TNNI3K: variants seen among roughly 807,000 people sequenced by gnomAD.
TNNI3K encodes the protein serine/threonine-protein kinase TNNI3K.
Under a neutral mutation model 114.5 loss-of-function variants are expected in TNNI3K, and 140 were observed. That is an observed-to-expected ratio of 1.22 (90% CI 1.07 to 1.41). TNNI3K has a LOEUF of 1.41. TNNI3K is among the 40% of genes most tolerant of loss of function. TNNI3K has a pLI of 0.00. For missense variants in TNNI3K, 1,125 were observed against 1,007.6 expected (o/e 1.12, Z -1.58); for synonymous variants, 347 against 347.5 (o/e 1.00, Z 0.02).
chr1:74,511,954 A>T (rs1187287598), intron 23 of TNNI3K, among the ~76,000 whole-genome samples: 1 of 152,214 alleles, frequency 6.6e-6, no homozygotes, highest in East Asian at 1.9e-4. Flanking sequence ...AGTCAATAGA[A>T]GTAGAAATAA....
rs527393320 is a variant in TNNI3K at position 74,475,922 on chromosome 1, G to A, written c.2121+12372G>A. The A allele has an allele frequency of 4.5e-4, 214 of 470,784 alleles. 4 individuals carry two copies. The South Asian group carries it at 0.011, about 24-fold the overall frequency. 29.2% of individuals were successfully genotyped at this position (470,784 alleles called of 1,614,324 possible). On this transcript the variant is annotated intron_variant, in intron 21 of 24. Transcript: ENST00000326637. ...TTAATGGCTTGAAAGATATCAGAAT[G>A]GGTAGGAAGTCCTTCACCATTTGGA...
chr1:74,375,489 A>C (rs2880795), intron 17 of TNNI3K: 442,517 of 443,028 alleles, frequency 1, 221,005 homozygotes, highest in East Asian at 1. Context: ...CTGAAAGATT[A>C]GAAACCTCCC....
chr1:74,290,049 C>G (rs925012995), intron 5 of TNNI3K, among the ~76,000 whole-genome samples: 1 of 151,612 alleles, frequency 6.6e-6, no homozygotes, highest in Non-Finnish European at 1.5e-5. Context: ...TTCTGGGCAT[C>G]CCCAGAAAAG....
intron 5 of TNNI3K, among the ~76,000 whole-genome samples, chr1:74,323,622 G>A (rs1276618673): frequency 6.6e-6 from 1 of 152,100 alleles, no homozygotes; most frequent in Non-Finnish European, 1.5e-5. Flanking sequence ...AGTATTGGAG[G>A]AAGTCTAAGA....
chr1:74,479,865 A>G (rs945586140), intron 21 of TNNI3K, among the ~76,000 whole-genome samples: 2 of 152,234 alleles, frequency 1.3e-5, no homozygotes, highest in African/African-American at 4.8e-5. Flanking sequence ...AAGGAAACTA[A>G]AGTCTAAATA....
At chr1:74,413,091 G>A (rs1365559913) in intron 17 of TNNI3K, among the ~76,000 whole-genome samples, 4 of 152,168 alleles carry the variant, frequency 2.6e-5, no homozygotes, top group Admixed American at 1.3e-4. Flanking sequence ...TTGATTATTG[G>A]TAATTAATTC....
In TNNI3K at chr1:74,543,856, G is replaced by T. The variant is rs1646756884; in HGVS notation, c.2432-50G>T. On this transcript the variant is annotated intron_variant, in intron 24 of 24. Coordinates refer to ENST00000326637, the MANE Select transcript of TNNI3K (RefSeq NM_015978.3). ...TCAGGCTGGTTATAAAAAATTGGGGGATGTACTGAAAGACTAGTAAGTAAC... is the reference window on the plus strand; with the variant it reads ...TCAGGCTGGTTATAAAAAATTGGGGTATGTACTGAAAGACTAGTAAGTAAC... The T allele has an allele frequency of 1.9e-6, 3 of 1,608,074 alleles. 1 individual carries two copies. The highest frequency in any genetic ancestry group is 2.2e-5 in the East Asian group (1 of 44,682).
In TNNI3K at chr1:74,369,095, C is replaced by T. The variant is rs909557145; in HGVS notation, c.1395C>T (p.Phe465=). The change falls in exon 14 of 25, where the codon TTC becomes TTT. Residue 465 remains phenylalanine, a synonymous_variant. Transcript: ENST00000326637. ...HFHLQLSEIE[F]HEIIGSGSFG... Reference sequence around the variant, plus strand: ...ATCTTCAGCTCTCAGAAATTGAGTTCCATGAGATTATTGGCTCAGGTAACC... The same window carrying T: ...ATCTTCAGCTCTCAGAAATTGAGTTTCATGAGATTATTGGCTCAGGTAACC... The T allele has an allele frequency of 2.5e-6, 4 of 1,610,176 alleles. No homozygotes were observed. The highest frequency in any genetic ancestry group is 3.4e-6 in the Non-Finnish European group (4 of 1,178,268).
At chr1:74,513,488 T>C (rs1424260720) in intron 23 of TNNI3K, among the ~76,000 whole-genome samples, 2 of 152,230 alleles carry the variant, frequency 1.3e-5, no homozygotes, top group Non-Finnish European at 1.5e-5. Flanking sequence ...CAGAGAACTT[T>C]GCATTCTCAC....
intron 17 of TNNI3K, among the ~76,000 whole-genome samples, chr1:74,402,474 TG>T (rs2100593477): frequency 6.6e-6 from 1 of 152,344 alleles, no homozygotes; most frequent in East Asian, 1.9e-4. Flanking sequence ...TCTTGAACCA[TG>T]GCAAGTTGAA....
chr1:74,335,318 C>T (rs1182486217), intron 6 of TNNI3K, among the ~76,000 whole-genome samples: 2 of 152,154 alleles, frequency 1.3e-5, no homozygotes, highest in Non-Finnish European at 2.9e-5. Context: ...TGCACCTTAA[C>T]TCTTAATCAG....
chr1:74,510,737 T>G (rs566298709), intron 23 of TNNI3K, among the ~76,000 whole-genome samples: 5 of 152,214 alleles, frequency 3.3e-5, no homozygotes, highest in Non-Finnish European at 7.3e-5. Context: ...TGGCTAGCAT[T>G]GAAAAGTTCA....
intron 21 of TNNI3K, among the ~76,000 whole-genome samples, chr1:74,478,912 T>C (rs1183218738): frequency 6.6e-6 from 1 of 152,192 alleles, no homozygotes; most frequent in Admixed American, 6.5e-5. Context: ...ACATGGTTTT[T>C]AAAAGAATTT....
At chr1:74,461,077 A>G (rs1002707295) in intron 20 of TNNI3K, among the ~76,000 whole-genome samples, 7 of 152,192 alleles carry the variant, frequency 4.6e-5, no homozygotes, top group Non-Finnish European at 8.8e-5. Context: ...ACACCAGCTC[A>G]ACAATATCCA....
intron 12 of TNNI3K, 53 bp downstream of exon 12, chr1:74,367,395 G>T: frequency 2.5e-6 from 4 of 1,587,834 alleles, no homozygotes; most frequent in Non-Finnish European, 2.6e-6. Context: ...TGTGCCTAAA[G>T]GTAAACCTGT....
chr1:74,528,776 G>A (rs1283524330), intron 23 of TNNI3K, among the ~76,000 whole-genome samples: 1 of 152,174 alleles, frequency 6.6e-6, no homozygotes, highest in Non-Finnish European at 1.5e-5. Flanking sequence ...GCACCTGGGA[G>A]GAGCGGCACT....
intron 5 of TNNI3K, among the ~76,000 whole-genome samples, chr1:74,286,994 A>G (rs368279690): frequency 3.1e-4 from 47 of 152,230 alleles, no homozygotes; most frequent in African/African-American, 9.4e-4. Flanking sequence ...TTCAACAAAG[A>G]GGTAGAAACC....
chr1:74,254,890 G>A (rs778280447), intron 4 of TNNI3K, among the ~76,000 whole-genome samples: 18 of 152,114 alleles, frequency 1.2e-4, no homozygotes, highest in Non-Finnish European at 2.1e-4. Flanking sequence ...TCATATACAT[G>A]GGGAGATGTG....
At chr1:74,475,795 G>A in intron 21 of TNNI3K, 2 of 609,288 alleles carry the variant, frequency 3.3e-6, no homozygotes, top group Non-Finnish European at 3.0e-6. Context: ...ACCTAGGCAA[G>A]TGAGACCAAC....
Sources: allele counts gnomAD v4.1 joint callset (sites outside exome capture counted in the v4.1 genomes callset), GRCh38; gene constraint gnomAD v4.1.1; transcripts MANE v1.5; gene names NCBI Gene and HGNC (gene_info 2026-07-23, HGNC 2026-07-21).